The following AMOT variants were observed in gnomAD, a reference collection of about 807,000 sequenced individuals.
AMOT encodes the protein angiomotin.
In AMOT, 11 loss-of-function variants were observed where a neutral mutation model predicts 67.0. The observed-to-expected ratio is 0.16, with a 90% CI of 0.10 to 0.27. The LOEUF is 0.27. Among genes scored for constraint, AMOT ranks in the 10% least tolerant of loss-of-function variants. The probability of loss-of-function intolerance (pLI) is 1.00; values close to 1 mark genes in which losing one functional copy is unlikely to be tolerated. For synonymous variants in AMOT, 326 were observed against 321.4 expected (o/e 1.01, Z -0.15); for missense variants, 753 against 852.0 (o/e 0.88, Z 1.45).
At chrX:112,790,868 C>T in intron 9 of AMOT, 86 bp from the exon 10 acceptor site, 1 of 890,879 alleles carries the variant, frequency 1.1e-6, no homozygotes, top group Non-Finnish European at 1.5e-6. Context: ...GGATTACTGC[C>T]CAGCCTACTT....
At chrX:112,795,352 G>T (rs746493429) in intron 8 of AMOT, among the ~76,000 whole-genome samples, 1 of 110,011 alleles carries the variant, frequency 9.1e-6, no homozygotes, top group Non-Finnish European at 1.9e-5. Context: ...AAAGGAACAA[G>T]GTGACAATTA....
chrX:112,821,047 A>G (rs185217224), intron 4 of AMOT, among the ~76,000 whole-genome samples: 1,483 of 111,115 alleles, frequency 0.013, 19 homozygotes, highest in African/African-American at 0.046. Flanking sequence ...GCAGGGGAAA[A>G]AAAAGAAATA....
chrX:112,833,367 G>C (rs1328850507), intron 1 of AMOT, among the ~76,000 whole-genome samples: 1 of 108,148 alleles, frequency 9.2e-6, no homozygotes, highest in Non-Finnish European at 1.9e-5. Context: ...TTCCAAGGGA[G>C]AACCACTTAG....
chrX:112,779,181 T>G lies in AMOT; in HGVS notation c.2973A>C (p.Ala991=). ...GAGCAGGAGCAGAAGCCTGAGCCGC[T>G]GCTGGAGCTGGAACCGGAACCAGAG... The part of the protein sequence containing the change: ...APALVPVPAP[A]AAQASAPAQT... The change falls in exon 13 of 14, where the codon GCA becomes GCC. Residue 991 remains alanine (A), a synonymous_variant. Coordinates refer to ENST00000371959, the MANE Select transcript of AMOT (RefSeq NM_001113490.2). The G allele has an allele frequency of 1.2e-6, 1 of 832,766 alleles. No individual in the cohort carries two copies. The highest frequency in any genetic ancestry group is 1.8e-6 in the Non-Finnish European group (1 of 549,640). The allele number at this position is 832,766 out of a possible 1,213,427, so 68.6% of individuals were successfully genotyped here.
chrX:112,814,662 A>C lies in AMOT; in HGVS notation c.1392+696T>G, dbSNP rs1271117938. Among the ~76,000 whole-genome samples the C allele has an allele frequency of 3.6e-5, 4 of 112,115 alleles. No homozygotes were observed. The East Asian group carries it at 1.1e-3, about 31-fold the overall frequency. On this transcript the variant is annotated intron_variant, in intron 5 of 13. Transcript: ENST00000371959. Reference sequence around the variant, plus strand: ...ATGGGGGTGGGCAGAGAAGAATGTGAACTGGAGATACACTCCTTTTTCTAT... The same window carrying C: ...ATGGGGGTGGGCAGAGAAGAATGTGCACTGGAGATACACTCCTTTTTCTAT...
intron 10 of AMOT, among the ~76,000 whole-genome samples, chrX:112,784,238 G>A (rs1602753016): frequency 1.8e-5 from 2 of 112,191 alleles, no homozygotes; most frequent in East Asian, 2.8e-4. Flanking sequence ...GTGCTTGAGA[G>A]CACAGGCTCT....
intron 10 of AMOT, among the ~76,000 whole-genome samples, chrX:112,783,524 C>T (rs1167959361): frequency 4.5e-5 from 5 of 110,898 alleles, no homozygotes; most frequent in African/African-American, 1.3e-4. Flanking sequence ...CAGTCCCACT[C>T]GATTCCTATC....
chrX:112,828,060 CAA>C (rs1483117420), intron 2 of AMOT, among the ~76,000 whole-genome samples: 1 of 111,348 alleles, frequency 9.0e-6, no homozygotes, highest in African/African-American at 3.3e-5. Context: ...TAACCTCTCA[CAA>C]AAAGTGAGGC....
rs142229756 is a variant in AMOT at position 112,794,939 on chromosome X, A to G, written c.1777-2958T>C. 4.9e-3 allele frequency among the ~76,000 whole-genome samples: 551 copies of G among 111,538 alleles called. 6 individuals carry two copies. The highest frequency in any genetic ancestry group is 0.017 in the African/African-American group (525 of 30,670). On this transcript the variant is annotated intron_variant, in intron 8 of 13. Coordinates refer to ENST00000371959, the MANE Select transcript of AMOT (RefSeq NM_001113490.2). ...CTAATGATCACATCATTGTCTAATT[A>G]GACAATGCAAATATAGCCATTTTCC...
At chrX:112,837,599 C>T (rs1262078595) in intron 1 of AMOT, among the ~76,000 whole-genome samples, 2 of 110,052 alleles carry the variant, frequency 1.8e-5, no homozygotes, top group Non-Finnish European at 3.8e-5. Context: ...AGAAGCCCAC[C>T]ATGGAGGAGA....
At chrX:112,827,377 C>G (rs1419323226) in intron 2 of AMOT, among the ~76,000 whole-genome samples, 1 of 112,113 alleles carries the variant, frequency 8.9e-6, no homozygotes, top group Non-Finnish European at 1.9e-5. Context: ...AACACTACTC[C>G]ATTTATTTGA....
At chrX:112,838,960 C>T (rs1935211825) in intron 1 of AMOT, among the ~76,000 whole-genome samples, 1 of 112,421 alleles carries the variant, frequency 8.9e-6, no homozygotes, top group Non-Finnish European at 1.9e-5. Flanking sequence ...ACTCTACAAC[C>T]ACCTGGCTGT....
At chrX:112,829,532 G>A (rs953908834) in intron 2 of AMOT, among the ~76,000 whole-genome samples, 2 of 111,549 alleles carry the variant, frequency 1.8e-5, no homozygotes, top group African/African-American at 6.5e-5. Context: ...CCCTGTCTCC[G>A]GTACTTCTTT....
intron 7 of AMOT, 83 bp downstream of exon 7, chrX:112,809,811 G>T: frequency 2.4e-6 from 2 of 828,549 alleles, no homozygotes; most frequent in Non-Finnish European, 3.6e-6. Context: ...TGTTCTAAAA[G>T]GCTAAAGAGA....
Position 112,782,631 on chromosome X carries a change from T to C in AMOT, c.2149A>G (p.Thr717Ala), listed in dbSNP as rs1569390699. Reference sequence around the variant, plus strand: ...GCTTCTAGAGCTGTGTCATAGCTGGTGTTAGGAGAGTGACTGATGACTGTT... The same window carrying C: ...GCTTCTAGAGCTGTGTCATAGCTGGCGTTAGGAGAGTGACTGATGACTGTT... ...DTTVISHSPN[T>A]SYDTALEARI... The change falls in exon 11 of 14, where the codon ACC becomes GCC. Residue 717 changes from threonine to alanine, a missense_variant. By Grantham distance (58) the Thr-to-Ala change is moderately conservative (BLOSUM62 0). Transcript: ENST00000371959. 1 of 1,209,246 alleles carries C rather than the reference T, an allele frequency of 8.3e-7. No homozygotes were observed. Among genetic ancestry groups the C allele is most frequent in the Non-Finnish European group, 1.1e-6 (1 of 894,862 alleles).
intron 5 of AMOT, among the ~76,000 whole-genome samples, chrX:112,813,346 G>T (rs186697567): frequency 2.0e-4 from 22 of 111,544 alleles, no homozygotes; most frequent in Non-Finnish European, 3.4e-4. Flanking sequence ...AGAGGAGGGT[G>T]GCAGTGGGTT....
intron 6 of AMOT, 65 bp from the exon 7 acceptor site, chrX:112,810,051 C>T: frequency 1.1e-6 from 1 of 886,230 alleles, no homozygotes; most frequent in Non-Finnish European, 1.6e-6. Flanking sequence ...ACTATTGGCC[C>T]TCTAAATACT....
rs1423640862 is a variant in AMOT, at chrX:112,780,952, A to C, written c.2407T>G (p.Ser803Ala). 1 of 1,211,676 alleles carries C rather than the reference A, an allele frequency of 8.3e-7. No homozygotes were observed. The highest frequency in any genetic ancestry group is 1.8e-5 in the South Asian group (1 of 56,981). Residue 803 changes from serine (S) to alanine (A), a missense_variant, in exon 12 of 14, where the codon TCC (serine) becomes GCC (alanine). Around this residue, in one of 5 missense-constraint regions of AMOT, gnomAD observed 269 missense variants for 300.9 expected, o/e 0.89. Coordinates refer to ENST00000371959, the MANE Select transcript of AMOT (RefSeq NM_001113490.2). Reference sequence around the variant, plus strand: ...ATGATGGGGGAGCCAGTCAGGGTGGATGAGTGGGAGAGCAAGCCTGATCCA... The same window carrying C: ...ATGATGGGGGAGCCAGTCAGGGTGGCTGAGTGGGAGAGCAAGCCTGATCCA... ...NAGSGLLSHS[S>A]TLTGSPIMEE...
At chrX:112,780,072 C>T (rs1250166050) in intron 12 of AMOT, among the ~76,000 whole-genome samples, 3 of 110,901 alleles carry the variant, frequency 2.7e-5, no homozygotes, top group East Asian at 2.8e-4. Context: ...TGCTCCTACT[C>T]GGCTCCACTT....
Sources: allele counts gnomAD v4.1 joint callset (sites outside exome capture counted in the v4.1 genomes callset), GRCh38; gene constraint gnomAD v4.1.1; regional missense constraint gnomAD v4.1.1; transcripts MANE v1.5; gene names NCBI Gene and HGNC (gene_info 2026-07-23, HGNC 2026-07-21).